Variants in VPS37B observed in about 807,000 individuals in gnomAD.
The protein encoded by VPS37B is vacuolar protein sorting-associated protein 37B.
In VPS37B, 11 loss-of-function variants were observed where a neutral mutation model predicts 21.2. The ratio of observed to expected loss-of-function variants is 0.52; its 90% confidence interval spans 0.33 to 0.86. The LOEUF is 0.86. Ranked by LOEUF, VPS37B falls within the 40% of genes least tolerant of loss-of-function variation. VPS37B has a pLI of 0.03. For synonymous variants in VPS37B, 175 were observed against 159.6 expected (o/e 1.10, Z -0.73); for missense variants, 389 against 374.8 (o/e 1.04, Z -0.31).
chr12:122,894,875 C>A (rs570573010), intron 1 of VPS37B, among the ~76,000 whole-genome samples: 29 of 152,234 alleles, frequency 1.9e-4, no homozygotes, highest in African/African-American at 7.0e-4. Context: ...TGGCAGCCAG[C>A]CCCAAACCCC....
intron 1 of VPS37B, chr12:122,879,975 T>G (rs2135706106): frequency 6.6e-6 from 1 of 152,160 alleles, no homozygotes; most frequent in Admixed American, 6.5e-5. Flanking sequence ...CCAGGCATGG[T>G]GGTGTGCGCC....
intron 1 of VPS37B, among the ~76,000 whole-genome samples, chr12:122,895,739 G>A (rs765032133): frequency 2.2e-4 from 33 of 151,002 alleles, no homozygotes; most frequent in Non-Finnish European, 3.1e-4. Context: ...GGTCCCCTCA[G>A]TGCCTCAAAC....
At chr12:122,870,836 A>T (rs2034012318) in intron 2 of VPS37B, 54 bp downstream of exon 2, 18 of 1,559,642 alleles carry the variant, frequency 1.2e-5, no homozygotes, top group Non-Finnish European at 1.5e-5. Context: ...ATAGCTTGAA[A>T]ATGTGTCCTT....
At chr12:122,891,005 T>C (rs2034403936) in intron 1 of VPS37B, among the ~76,000 whole-genome samples, 1 of 152,250 alleles carries the variant, frequency 6.6e-6, no homozygotes, top group South Asian at 2.1e-4. Flanking sequence ...ATTTACCAAG[T>C]GTTCACTCTG....
intron 1 of VPS37B, chr12:122,872,233 A>C: frequency 1.0e-6 from 1 of 985,482 alleles, no homozygotes; most frequent in Non-Finnish European, 1.2e-6. Context: ...CACACAAGGA[A>C]GAGCCTCAGG....
chr12:122,894,104 T>C (rs1370820900), intron 1 of VPS37B, among the ~76,000 whole-genome samples: 2 of 152,212 alleles, frequency 1.3e-5, no homozygotes, highest in Non-Finnish European at 1.5e-5. Flanking sequence ...TAGAAAAATA[T>C]ACCTATCATT....
chr12:122,892,968 C>T (rs779739140), intron 1 of VPS37B, among the ~76,000 whole-genome samples: 186 of 150,752 alleles, frequency 1.2e-3, no homozygotes, highest in Non-Finnish European at 1.2e-3. Context: ...GGCTAAGGCA[C>T]GAGAATCACT....
chr12:122,894,000 T>C (rs1026060447), intron 1 of VPS37B, among the ~76,000 whole-genome samples: 1 of 152,212 alleles, frequency 6.6e-6, no homozygotes, highest in Admixed American at 6.5e-5. Context: ...AGTTTATTTC[T>C]ATTAATGTTC....
At position 122,867,577 on chromosome 12, in the gene VPS37B, G is replaced by A. The variant is rs1270988676; in HGVS notation, c.397C>T (p.Leu133Phe). ...ACATCAATGAAGGAATCCAGAGGAA[G>A]TTCTCCATCCAGAAACTTCTCTGCC... ...NMAEKFLDGE[L>F]PLDSFIDVYQ... Residue 133 changes from leucine (L) to phenylalanine (F), a missense_variant, in exon 4 of 4, where the codon CTT becomes TTT. Transcript: ENST00000267202. This position sits in a 1 kb window ranked among gnomAD's most constrained non-coding sequence, Gnocchi z 5.5. The A allele has an allele frequency of 1.2e-6, 2 of 1,613,718 alleles. No homozygotes were observed. Among genetic ancestry groups the A allele is most frequent in the Admixed American group, 1.7e-5 (1 of 60,026 alleles).
chr12:122,892,201 A>G (rs1012416229), intron 1 of VPS37B, among the ~76,000 whole-genome samples: 1 of 152,230 alleles, frequency 6.6e-6, no homozygotes, highest in African/African-American at 2.4e-5. Flanking sequence ...AGAGAATAAG[A>G]TCATGAAGGA....
rs540806786 is a variant in VPS37B at position 122,869,861 on chromosome 12, G to A, written c.283+1029C>T. Reference sequence around the variant, plus strand: ...AGGCTCAAGCAATCCTCCTTCCTTAGCCTCCCAAGTAGCTAGGACCATAGG... The same window carrying A: ...AGGCTCAAGCAATCCTCCTTCCTTAACCTCCCAAGTAGCTAGGACCATAGG... On this transcript the variant is annotated intron_variant, in intron 2 of 3. Transcript: ENST00000267202. 1.4e-4 allele frequency among the ~76,000 whole-genome samples: 21 copies of A among 152,138 alleles called. No individual in the cohort carries two copies. The East Asian group carries it at 4.1e-3, about 29-fold the overall frequency.
At chr12:122,871,084 T>G (rs773151649) in intron 1 of VPS37B, 23 bp from the exon 2 acceptor site, 1 of 1,612,110 alleles carries the variant, frequency 6.2e-7, no homozygotes, top group South Asian at 1.1e-5. Context: ...CACAAGATGA[T>G]GAGAACCAAA....
intron 1 of VPS37B, chr12:122,881,293 A>C (rs2034243347): frequency 6.6e-6 from 1 of 152,254 alleles, no homozygotes; most frequent in Non-Finnish European, 1.5e-5. Flanking sequence ...TCAAAGTTAC[A>C]ACTGCTAGTA....
chr12:122,872,127 T>C (rs2034051082), intron 1 of VPS37B: 1 of 985,542 alleles, frequency 1.0e-6, no homozygotes, highest in African/African-American at 1.7e-5. Context: ...CGAGTATAGA[T>C]TCCTGGCCAT....
intron 1 of VPS37B, chr12:122,880,292 A>G (rs1302718459): frequency 1.3e-5 from 2 of 152,204 alleles, no homozygotes; most frequent in African/African-American, 2.4e-5. Flanking sequence ...TCCAGCAGTG[A>G]TAACAGTTTG....
chr12:122,868,369 G>T lies in VPS37B; in HGVS notation c.366+111C>A. On this transcript the variant is annotated intron_variant, in intron 3 of 3. Coordinates refer to ENST00000267202, the MANE Select transcript of VPS37B (RefSeq NM_024667.3). The surrounding 1 kb of genome is among the most constrained non-coding windows in gnomAD (Gnocchi z 5.5). ...TGCTGGTATACAGCCCGTACACCTG[G>T]GAGGCACCACTCCTGGCCGTGGCGG... The T allele has an allele frequency of 1.0e-6, 1 of 971,886 alleles. No homozygotes were observed. The highest frequency in any genetic ancestry group is 1.6e-6 in the Non-Finnish European group (1 of 630,502). 60.2% of individuals were successfully genotyped at this position (971,886 alleles called of 1,614,324 possible). A position where few individuals can be genotyped will look rare whatever the true frequency, so the allele number is the denominator to read the frequency against.
intron 1 of VPS37B, among the ~76,000 whole-genome samples, chr12:122,892,479 T>C (rs2034428318): frequency 6.6e-6 from 1 of 151,224 alleles, no homozygotes; most frequent in Admixed American, 6.6e-5. Flanking sequence ...TACTCTACAA[T>C]TTAAAACACT....
At chr12:122,889,903 A>C (rs2034388932) in intron 1 of VPS37B, 1 of 152,186 alleles carries the variant, frequency 6.6e-6, no homozygotes, top group African/African-American at 2.4e-5. Flanking sequence ...GCCAAAGTAG[A>C]CGAGAACTCG....
chr12:122,891,405 A>C (rs1288092019), intron 1 of VPS37B, among the ~76,000 whole-genome samples: 5 of 152,254 alleles, frequency 3.3e-5, no homozygotes, highest in Non-Finnish European at 1.5e-5. Flanking sequence ...TTCCTTTAAC[A>C]GTTGAGGAAA....
Sources: gnomAD v4.1 joint callset for allele counts (sites outside exome capture counted in the v4.1 genomes callset) on GRCh38, gnomAD v4.1.1 for gene constraint, Gnocchi (gnomAD v3.1) non-coding constraint, MANE v1.5 for transcripts, NCBI Gene and HGNC (gene_info 2026-07-23, HGNC 2026-07-21) for gene names.